The following SLC36A1 variants were observed in gnomAD, a reference collection of about 807,000 sequenced individuals.
SLC36A1 encodes the protein proton-coupled amino acid transporter 1.
SLC36A1 carries 30 observed loss-of-function variants against 47.5 expected under a neutral mutation model. That is an observed-to-expected ratio of 0.63 (90% confidence interval 0.47 to 0.86). SLC36A1 has a LOEUF of 0.86. Ranked by LOEUF, SLC36A1 falls within the 40% of genes least tolerant of loss-of-function variation. The pLI is 0.00. For missense variants in SLC36A1, 517 were observed against 606.0 expected (o/e 0.85, Z 1.54); for synonymous variants, 255 against 249.7 (o/e 1.02, Z -0.20).
chr5:151,352,149 C>G, the SLC36A1 span, among the ~76,000 whole-genome samples: 1 of 152,182 alleles, frequency 6.6e-6, no homozygotes, highest in African/African-American at 2.4e-5. Flanking sequence ...GATTTTTCTG[C>G]TCCAACAACC....
chr5:151,487,320 A>AT (rs1759700076), intron 10 of SLC36A1, among the ~76,000 whole-genome samples: 1 of 152,172 alleles, frequency 6.6e-6, no homozygotes, highest in Admixed American at 6.5e-5. Context: ...GCAGTGCACC[A>AT]TTGGTCTTCG....
the SLC36A1 span, among the ~76,000 whole-genome samples, chr5:151,356,445 C>T: frequency 1.1e-4 from 17 of 151,966 alleles, no homozygotes; most frequent in South Asian, 2.9e-3. Flanking sequence ...ACACCTCCTC[C>T]GAGCTGGAGC....
chr5:151,479,202 A>G lies in SLC36A1; in HGVS notation c.990-118A>G, dbSNP rs1357153190. 4.7e-6 allele frequency: 5 copies of G among 1,075,014 alleles called. 1 individual carries two copies. The highest frequency in any genetic ancestry group is 4.1e-6 in the Non-Finnish European group (3 of 729,778). The allele number at this position is 1,075,014 out of a possible 1,614,324, so 66.6% of individuals were successfully genotyped here. Reference sequence around the variant, plus strand: ...CATGAAATTGCTGGGTCCGAAGGACATGTGGGTTTGTATCCTTGATAAGTG... The same window carrying G: ...CATGAAATTGCTGGGTCCGAAGGACGTGTGGGTTTGTATCCTTGATAAGTG... On this transcript the variant is annotated intron_variant, in intron 9 of 10. Coordinates refer to ENST00000243389, the MANE Select transcript of SLC36A1 (RefSeq NM_078483.4).
the SLC36A1 span, among the ~76,000 whole-genome samples, chr5:151,394,816 G>A: frequency 1.1e-4 from 16 of 152,188 alleles, no homozygotes; most frequent in Non-Finnish European, 2.2e-4. Flanking sequence ...GCCCCTACTG[G>A]GGGGTGCCTC....
rs1760162936 is a variant in SLC36A1, at chr5:151,491,996, C to T, written c.*3742C>T. On this transcript the variant is annotated 3_prime_UTR_variant, in exon 11 of 11. Coordinates refer to ENST00000243389, the MANE Select transcript of SLC36A1 (RefSeq NM_078483.4). ...TTGTGCCACTGAGTCGTTCCCTGGC[C>T]AGAGGACATAAATGGTGCTGGTAGG... 1 of 152,224 alleles carries T rather than the reference C, an allele frequency of 6.6e-6. No homozygotes were observed. Among genetic ancestry groups the T allele is most frequent in the African/African-American group, 2.4e-5 (1 of 41,446 alleles). 9.4% of individuals were successfully genotyped at this position (152,224 alleles called of 1,614,324 possible). A position where few individuals can be genotyped will look rare whatever the true frequency, so the allele number is the denominator to read the frequency against.
At chr5:151,413,796 G>T in the SLC36A1 span, among the ~76,000 whole-genome samples, 2 of 152,118 alleles carry the variant, frequency 1.3e-5, no homozygotes, top group African/African-American at 4.8e-5. Context: ...GAATATAAAA[G>T]ATGCACCTGT....
chr5:151,550,854 A>C, the SLC36A1 span: 2 of 1,613,134 alleles, frequency 1.2e-6, no homozygotes, highest in Non-Finnish European at 1.7e-6. Context: ...TAATGTTGGC[A>C]ATCATGAAGA....
chr5:151,456,033 C>T (rs948332015), intron 1 of SLC36A1, among the ~76,000 whole-genome samples: 1 of 152,112 alleles, frequency 6.6e-6, no homozygotes, highest in African/African-American at 2.4e-5. Flanking sequence ...CATGACTGCT[C>T]TCACATTTTA....
At chr5:151,383,570 A>AT in the SLC36A1 span, among the ~76,000 whole-genome samples, 37,844 of 136,746 alleles carry the variant, frequency 0.28, 6,560 homozygotes, top group African/African-American at 0.49. Flanking sequence ...TTTTAACTTA[A>AT]ATTTTTTTTT....
At chr5:151,514,453 CTT>C in the SLC36A1 span, among the ~76,000 whole-genome samples, 3 of 152,228 alleles carry the variant, frequency 2.0e-5, no homozygotes, top group Non-Finnish European at 4.4e-5. Flanking sequence ...GTAGAACTCT[CTT>C]GGTAAACCCA....
chr5:151,347,964 T>C, the SLC36A1 span, among the ~76,000 whole-genome samples: 33 of 152,298 alleles, frequency 2.2e-4, no homozygotes, highest in African/African-American at 7.0e-4. Context: ...TTTCAACCAG[T>C]AACCTATTTC....
chr5:151,438,751 A>C (rs1759926816), intron 1 of SLC36A1, among the ~76,000 whole-genome samples: 1 of 152,182 alleles, frequency 6.6e-6, no homozygotes, highest in Non-Finnish European at 1.5e-5. Context: ...GCACTCTCCC[A>C]GGCACCAGAG....
chr5:151,389,672 C>G, the SLC36A1 span, among the ~76,000 whole-genome samples: 1 of 150,070 alleles, frequency 6.7e-6, no homozygotes, highest in Non-Finnish European at 1.5e-5. Flanking sequence ...GGTTTTTTGT[C>G]CTTGCAATAG....
the SLC36A1 span, among the ~76,000 whole-genome samples, chr5:151,399,080 ATATATTT>A: frequency 3.9e-3 from 332 of 84,698 alleles, 1 homozygote; most frequent in African/African-American, 0.023. Flanking sequence ...ATATATATAT[ATATATTT>A]TTTTTTTTTT....
the SLC36A1 span, chr5:151,522,104 A>G: frequency 6.5e-7 from 1 of 1,547,512 alleles, no homozygotes; most frequent in Non-Finnish European, 8.8e-7. Flanking sequence ...CAAAACAAAC[A>G]CTGCTGTCAC....
chr5:151,519,827 A>G, the SLC36A1 span, among the ~76,000 whole-genome samples: 1 of 152,158 alleles, frequency 6.6e-6, no homozygotes, highest in Admixed American at 6.5e-5. Flanking sequence ...CTTCAATGCA[A>G]GCCCTTGCAC....
the SLC36A1 span, among the ~76,000 whole-genome samples, chr5:151,363,442 AGTT>A: frequency 6.6e-6 from 1 of 151,848 alleles, no homozygotes; most frequent in Non-Finnish European, 1.5e-5. Flanking sequence ...TGGCCCTGGG[AGTT>A]GTTAAATCCT....
chr5:151,531,657 G>T, the SLC36A1 span: 15 of 1,613,612 alleles, frequency 9.3e-6, no homozygotes, highest in Non-Finnish European at 1.3e-5. The surrounding 1 kb of genome is among the most constrained non-coding windows in gnomAD (Gnocchi z 5.7). Context: ...TCTTCTCTGC[G>T]CCCGGGCGAG....
chr5:151,524,826 A>G, the SLC36A1 span, among the ~76,000 whole-genome samples: 1 of 151,954 alleles, frequency 6.6e-6, no homozygotes, highest in Non-Finnish European at 1.5e-5. Flanking sequence ...TCTCCTGCCC[A>G]CTTTTCACAT....
Sources: gnomAD v4.1 joint callset for allele counts (sites outside exome capture counted in the v4.1 genomes callset) on GRCh38, gnomAD v4.1.1 for gene constraint, Gnocchi (gnomAD v3.1) non-coding constraint, MANE v1.5 for transcripts, NCBI Gene and HGNC (gene_info 2026-07-23, HGNC 2026-07-21) for gene names.